GRM1: variants seen among roughly 807,000 people sequenced by gnomAD.
The protein encoded by GRM1 is glutamate metabotropic receptor 1, also known as metabotropic glutamate receptor 1.
GRM1 carries 33 observed loss-of-function variants against 90.9 expected under a neutral mutation model. That is an observed-to-expected ratio of 0.36 (90% CI 0.28 to 0.49). The LOEUF is 0.49. Ranked by LOEUF, GRM1 falls within the 20% of genes least tolerant of loss-of-function variation. GRM1 has a pLI of 0.99. For synonymous variants in GRM1, 700 were observed against 613.2 expected, an observed-to-expected ratio of 1.14 and a Z score of -2.09; for missense variants, 1,190 against 1,534.3, an observed-to-expected ratio of 0.78 and a Z score of 3.75.
intron 7 of GRM1, among the ~76,000 whole-genome samples, chr6:146,414,512 C>T (rs1200128678): frequency 6.6e-6 from 1 of 152,012 alleles, no homozygotes; most frequent in Non-Finnish European, 1.5e-5. Flanking sequence ...ACGCCATTCT[C>T]CTGCCTCAGC....
chr6:146,136,101 A>G (rs1776607162), intron 1 of GRM1, among the ~76,000 whole-genome samples: 1 of 152,196 alleles, frequency 6.6e-6, no homozygotes, highest in Admixed American at 6.5e-5. Flanking sequence ...GTTGTTGGAA[A>G]TGAGAATATA....
chr6:146,317,719 T>C lies in GRM1; in HGVS notation c.1186+12873T>C, dbSNP rs571516135. Among the ~76,000 whole-genome samples the C allele has an allele frequency of 6.6e-5, 10 of 152,342 alleles. No individual in the cohort carries two copies. The South Asian group carries it at 1.9e-3, about 28-fold the overall frequency. ...ATAGAACAGCTTCTATCTGGAACAT[T>C]GATAGTTGCAGCATAAAGAACAAAA... On this transcript the variant is annotated intron_variant, in intron 3 of 7. Coordinates refer to ENST00000282753, the MANE Select transcript of GRM1 (RefSeq NM_001278064.2).
At chr6:146,120,649 A>G (rs1412798758) in intron 1 of GRM1, among the ~76,000 whole-genome samples, 3 of 152,152 alleles carry the variant, frequency 2.0e-5, no homozygotes, top group South Asian at 2.1e-4. Context: ...TAGCGTGAAG[A>G]GTTGTTGAAT....
At chr6:146,132,456 A>C (rs1203918931) in intron 1 of GRM1, among the ~76,000 whole-genome samples, 1 of 152,232 alleles carries the variant, frequency 6.6e-6, no homozygotes, top group Non-Finnish European at 1.5e-5. Context: ...GGCATATGGA[A>C]TATATCTAAG....
intron 1 of GRM1, among the ~76,000 whole-genome samples, chr6:146,087,176 GC>G (rs1011336030): frequency 1.3e-5 from 2 of 152,068 alleles, no homozygotes; most frequent in African/African-American, 2.4e-5. Flanking sequence ...AGTTTGAGCT[GC>G]CTTGTATTGG....
intron 1 of GRM1, among the ~76,000 whole-genome samples, chr6:146,145,965 A>C (rs1218169566): frequency 1.3e-5 from 2 of 152,022 alleles, no homozygotes; most frequent in Admixed American, 6.6e-5. Context: ...TAGTTAAAGG[A>C]GATTCTTCTG....
chr6:146,112,564 C>T (rs958909239), intron 1 of GRM1, among the ~76,000 whole-genome samples: 1 of 152,158 alleles, frequency 6.6e-6, no homozygotes, highest in Non-Finnish European at 1.5e-5. Context: ...ACCCCTCTAT[C>T]TGGGCTCCCT....
At chr6:146,253,729 G>T (rs1021916945) in intron 2 of GRM1, among the ~76,000 whole-genome samples, 1 of 152,072 alleles carries the variant, frequency 6.6e-6, no homozygotes, top group Non-Finnish European at 1.5e-5. Flanking sequence ...GAAAATTGTT[G>T]ATTTTAGTTC....
chr6:146,319,091 T>G (rs1025323097), intron 3 of GRM1, among the ~76,000 whole-genome samples: 5 of 152,254 alleles, frequency 3.3e-5, no homozygotes, highest in African/African-American at 1.2e-4. Context: ...TGAATGGTAT[T>G]GCCTAGGTTT....
At chr6:146,298,405 A>G (rs1045966321) in intron 2 of GRM1, among the ~76,000 whole-genome samples, 2 of 152,210 alleles carry the variant, frequency 1.3e-5, no homozygotes, top group Admixed American at 6.5e-5. Flanking sequence ...AAATTTTAGT[A>G]ACGAGGCTGA....
rs1348304727 is a variant in GRM1, at chr6:146,436,697, AT to A, written c.*1906del. On this transcript the variant is annotated 3_prime_UTR_variant, in exon 8 of 8. Coordinates refer to ENST00000282753, the MANE Select transcript of GRM1 (RefSeq NM_001278064.2). Reference sequence around the variant, plus strand: ...ATCCCTTTTTACCACCAATAAAAGGATTTTTCTTGCTGTTTTGATTTCTTCT... The same window carrying A: ...ATCCCTTTTTACCACCAATAAAAGGATTTTCTTGCTGTTTTGATTTCTTCT... 6.6e-6 allele frequency: 1 copy of A among 152,506 alleles called. No individual in the cohort carries two copies. The highest frequency in any genetic ancestry group is 1.5e-5 in the Non-Finnish European group (1 of 67,976). 9.4% of individuals were successfully genotyped at this position (152,506 alleles called of 1,614,324 possible). A position where few individuals can be genotyped will look rare whatever the true frequency, so the allele number is the denominator to read the frequency against.
intron 1 of GRM1, among the ~76,000 whole-genome samples, chr6:146,134,804 G>A (rs570405654): frequency 8.5e-5 from 13 of 152,216 alleles, no homozygotes; most frequent in African/African-American, 2.2e-4. Flanking sequence ...GGTGGCAGGC[G>A]CCTGTAGTCC....
At chr6:146,226,297 A>G (rs1383444319) in intron 2 of GRM1, among the ~76,000 whole-genome samples, 1 of 152,124 alleles carries the variant, frequency 6.6e-6, no homozygotes, top group Non-Finnish European at 1.5e-5. Flanking sequence ...TTATTTTGGT[A>G]GGCATGTTGC....
intron 1 of GRM1, among the ~76,000 whole-genome samples, chr6:146,060,051 C>A (rs374710932): frequency 1.1e-4 from 16 of 151,998 alleles, no homozygotes; most frequent in African/African-American, 3.9e-4. Flanking sequence ...CTTTTAATTC[C>A]TTTCAGGGAC....
At chr6:146,074,654 T>C (rs1776124322) in intron 1 of GRM1, among the ~76,000 whole-genome samples, 1 of 152,208 alleles carries the variant, frequency 6.6e-6, no homozygotes, top group Non-Finnish European at 1.5e-5. Flanking sequence ...GAAGTTAGTC[T>C]CAAATGAATA....
intron 7 of GRM1, among the ~76,000 whole-genome samples, chr6:146,407,316 G>C (rs1777383313): frequency 6.6e-6 from 1 of 152,148 alleles, no homozygotes; most frequent in African/African-American, 2.4e-5. Flanking sequence ...CCATTTCCTT[G>C]ATTTTTCTCT....
intron 2 of GRM1, among the ~76,000 whole-genome samples, chr6:146,200,859 G>A (rs1169874820): frequency 1.3e-5 from 2 of 152,164 alleles, no homozygotes; most frequent in Non-Finnish European, 2.9e-5. Flanking sequence ...TTCAAATAAA[G>A]TTTTGGTCAG....
Position 146,029,411 on chromosome 6 carries a change from A to T in GRM1, c.-107A>T. 1.1e-6 allele frequency: 1 copy of T among 879,668 alleles called. No individual in the cohort carries two copies. Among genetic ancestry groups the T allele is most frequent in the Non-Finnish European group, 1.9e-6 (1 of 516,332 alleles). The allele number at this position is 879,668 out of a possible 1,614,324, so 54.5% of individuals were successfully genotyped here. ...ACGACCATTGTTGGCGAGGGGCACC[A>T]CTCCGGGAGAGGCGGCGCTGGGCGT... On this transcript the variant is annotated 5_prime_UTR_variant, in exon 1 of 8. Transcript: ENST00000282753.
intron 2 of GRM1, among the ~76,000 whole-genome samples, chr6:146,192,869 G>C (rs1166356813): frequency 6.6e-6 from 1 of 152,148 alleles, no homozygotes; most frequent in Non-Finnish European, 1.5e-5. Context: ...TGGGCTCTAG[G>C]TGGGCACAGC....
Sources: allele counts gnomAD v4.1 joint callset (sites outside exome capture counted in the v4.1 genomes callset), GRCh38; gene constraint gnomAD v4.1.1; transcripts MANE v1.5; gene names NCBI Gene and HGNC (gene_info 2026-07-23, HGNC 2026-07-21).